The following NF2 variants were observed in gnomAD, a reference collection of about 807,000 sequenced individuals.
NF2 encodes NF2, moesin-ezrin-radixin like (MERLIN) tumor suppressor, also known as merlin.
NF2 carries 8 observed loss-of-function variants against 83.7 expected under a neutral mutation model. The ratio of observed to expected loss-of-function variants is 0.10; its 90% CI spans 0.06 to 0.17. The LOEUF is 0.17. Among genes scored for constraint, NF2 ranks in the 10% least tolerant of loss-of-function variants. The pLI, the probability that NF2 is intolerant of heterozygous loss-of-function variation, is 1.00. For missense variants in NF2, 533 were observed against 744.4 expected (o/e 0.72, Z 3.31); for synonymous variants, 266 against 269.6 (o/e 0.99, Z 0.13).
chr22:29,680,867 A>C (rs1427835256), intron 14 of NF2, among the ~76,000 whole-genome samples: 1 of 149,420 alleles, frequency 6.7e-6, no homozygotes, highest in African/African-American at 2.5e-5. Context: ...AAAAAAAAAG[A>C]GTTTACTTGA....
Position 29,639,174 on chromosome 22 carries a change from C to T in NF2, c.325C>T (p.Leu109=), listed in dbSNP as rs201603384. The T allele has an allele frequency of 4.0e-5, 64 of 1,614,070 alleles. No individual in the cohort carries two copies. Among genetic ancestry groups the T allele is most frequent in the Admixed American group, 1.3e-4 (8 of 60,010 alleles). ...TTATCCTGAGAATGCTGAAGAGGAG[C>T]TGGTTCAGGAGATCACACAACATTT... The part of the protein sequence containing the change: ...KFYPENAEEE[L]VQEITQHLFF... Residue 109 remains leucine, a synonymous_variant, in exon 3 of 16, where the codon CTG becomes TTG. Transcript: ENST00000338641.
chr22:29,616,813 G>T (rs2065093292), intron 1 of NF2, among the ~76,000 whole-genome samples: 1 of 152,042 alleles, frequency 6.6e-6, no homozygotes, highest in Non-Finnish European at 1.5e-5. Context: ...TGGTGGGTTG[G>T]ATTTGTCCTG....
At chr22:29,668,804 C>T (rs530319706) in intron 10 of NF2, among the ~76,000 whole-genome samples, 19 of 152,322 alleles carry the variant, frequency 1.2e-4, no homozygotes, top group African/African-American at 3.8e-4. Context: ...GCAGCCTTCT[C>T]CTTTTCTAAT....
At position 29,698,287 on chromosome 22, in the gene NF2, T is replaced by G. The variant is rs2067610503; in HGVS notation, c.*3485T>G. On this transcript the variant is annotated 3_prime_UTR_variant, in exon 16 of 16. Coordinates refer to ENST00000338641, the MANE Select transcript of NF2 (RefSeq NM_000268.4). Reference sequence around the variant, plus strand: ...TTTCTCTCTTTCCCTCTCTTTTTTTTGTCAAAAGCCCAGAGACTGACAACC... The same window carrying G: ...TTTCTCTCTTTCCCTCTCTTTTTTTGGTCAAAAGCCCAGAGACTGACAACC... 4.4e-6 allele frequency: 1 copy of G among 225,460 alleles called. No homozygotes were observed. The highest frequency in any genetic ancestry group is 8.8e-6 in the Non-Finnish European group (1 of 113,236). The allele number at this position is 225,460 out of a possible 1,614,324, so 14.0% of individuals were successfully genotyped here. A position where few individuals can be genotyped will look rare whatever the true frequency, so the allele number is the denominator to read the frequency against.
Position 29,604,737 on chromosome 22 carries a change from C to A in NF2, c.114+625C>A, listed in dbSNP as rs116920328. Among the ~76,000 whole-genome samples, 238 of 152,290 alleles carry A rather than the reference C, an allele frequency of 1.6e-3. 1 individual carries two copies. The highest frequency in any genetic ancestry group is 5.6e-3 in the African/African-American group (232 of 41,570). ...TACTGCTTCTCAAGTAATTTAAGTT[C>A]TTGCTGCTAAAAGTGTGGTTTGTGG... On this transcript the variant is annotated intron_variant, in intron 1 of 15. Coordinates refer to ENST00000338641, the MANE Select transcript of NF2 (RefSeq NM_000268.4).
In NF2 at chr22:29,658,170, T is replaced by C. The variant is rs750009792; in HGVS notation, c.600-19T>C. Reference sequence around the variant, plus strand: ...ATCTCACTTAGCTCCAATGACAGTGTCTTCCGTTCTCCCCACAGGGATGAA... The same window carrying C: ...ATCTCACTTAGCTCCAATGACAGTGCCTTCCGTTCTCCCCACAGGGATGAA... On this transcript the variant is annotated intron_variant, in intron 6 of 15. Transcript: ENST00000338641. 3 of 1,612,722 alleles carry C rather than the reference T, an allele frequency of 1.9e-6. No individual in the cohort carries two copies. In the African/African-American group the frequency reaches 4.0e-5, roughly 22 times the overall value.
At chr22:29,635,153 G>T (rs76128101) in intron 1 of NF2, among the ~76,000 whole-genome samples, 2,125 of 152,168 alleles carry the variant, frequency 0.014, 41 homozygotes, top group African/African-American at 0.048. Flanking sequence ...GAGAAGGGAT[G>T]GGCTTTCCTG....
At chr22:29,692,336 C>T (rs1395089354) in intron 15 of NF2, among the ~76,000 whole-genome samples, 1 of 152,166 alleles carries the variant, frequency 6.6e-6, no homozygotes, top group Non-Finnish European at 1.5e-5. Context: ...CCTGCTCTTG[C>T]AAGATAAGAG....
intron 4 of NF2, among the ~76,000 whole-genome samples, chr22:29,650,061 A>G (rs1171156829): frequency 1.3e-5 from 2 of 152,172 alleles, no homozygotes; most frequent in Non-Finnish European, 2.9e-5. Context: ...ACTTACAAAG[A>G]TTAAAAATGA....
intron 1 of NF2, among the ~76,000 whole-genome samples, chr22:29,626,403 C>T (rs1355101615): frequency 4.6e-5 from 7 of 152,092 alleles, no homozygotes; most frequent in African/African-American, 9.7e-5. Flanking sequence ...CCACCCGCTT[C>T]GGTCTCCCAA....
In NF2 at chr22:29,688,392, C is replaced by T. The variant is rs1272975866; in HGVS notation, c.1738-6360C>T. Among the ~76,000 whole-genome samples the T allele has an allele frequency of 2.0e-5, 3 of 152,258 alleles. 1 individual carries two copies. Among genetic ancestry groups the T allele is most frequent in the Admixed American group, 1.3e-4 (2 of 15,286 alleles). Reference sequence around the variant, plus strand: ...AAGAGCCAGATGCAAACTCGTTCTGCGAGCCCGAGGTTCTGTTCTCATGAT... The same window carrying T: ...AAGAGCCAGATGCAAACTCGTTCTGTGAGCCCGAGGTTCTGTTCTCATGAT... On this transcript the variant is annotated intron_variant, in intron 15 of 15. Transcript: ENST00000338641.
At chr22:29,684,080 T>A (rs1479482555) in intron 15 of NF2, 9 of 272,836 alleles carry the variant, frequency 3.3e-5, no homozygotes, top group African/African-American at 9.1e-5. Flanking sequence ...AGATAGATCC[T>A]ACTTGTGGTC....
At chr22:29,617,300 A>G (rs970420638) in intron 1 of NF2, among the ~76,000 whole-genome samples, 2 of 152,202 alleles carry the variant, frequency 1.3e-5, no homozygotes, top group African/African-American at 4.8e-5. Context: ...TTCATTAAGT[A>G]GATTCCAGAC....
chr22:29,665,683 G>C (rs1021073750), intron 9 of NF2, among the ~76,000 whole-genome samples: 9 of 151,974 alleles, frequency 5.9e-5, no homozygotes, highest in African/African-American at 2.2e-4. Flanking sequence ...GCACAGTCCT[G>C]GCCGGGTGCG....
Position 29,636,659 on chromosome 22 carries a change from C to G in NF2, c.115-92C>G, listed in dbSNP as rs764604694. 1,070 of 1,553,844 alleles carry G rather than the reference C, an allele frequency of 6.9e-4. 2 individuals are homozygous for G. The highest frequency in any genetic ancestry group is 9.0e-4 in the Non-Finnish European group (1,014 of 1,126,274). ...ATCAGCTGTCTTAGTGTCATCCCCA[C>G]GTTTTGGAACCTGAGAGTGGAGAGT... is the stretch of plus-strand genomic sequence containing the variant. On this transcript the variant is annotated intron_variant, in intron 1 of 15. Coordinates refer to ENST00000338641, the MANE Select transcript of NF2 (RefSeq NM_000268.4). This position sits in a 1 kb window ranked among gnomAD's most constrained non-coding sequence, Gnocchi z 4.4.
At chr22:29,682,353 T>C (rs548430997) in intron 15 of NF2, among the ~76,000 whole-genome samples, 1 of 152,336 alleles carries the variant, frequency 6.6e-6, no homozygotes, top group East Asian at 1.9e-4. Flanking sequence ...CTGATACAGT[T>C]AATTTTTTAT....
intron 15 of NF2, among the ~76,000 whole-genome samples, chr22:29,686,329 A>G (rs1450937844): frequency 6.6e-6 from 1 of 152,246 alleles, no homozygotes; most frequent in African/African-American, 2.4e-5. Flanking sequence ...TACGTGGCTG[A>G]AAGTAAAAAC....
At chr22:29,681,207 T>C (rs760623056) in intron 14 of NF2, among the ~76,000 whole-genome samples, 6 of 152,120 alleles carry the variant, frequency 3.9e-5, no homozygotes, top group Non-Finnish European at 5.9e-5. Flanking sequence ...CTGTTTTATT[T>C]AATCCTAACC....
chr22:29,642,735 T>G (rs1436522745), intron 4 of NF2, among the ~76,000 whole-genome samples: 1 of 152,160 alleles, frequency 6.6e-6, no homozygotes, highest in East Asian at 1.9e-4. Context: ...AAACATGGCC[T>G]TTAGGTCAGA....
Sources: gnomAD v4.1 joint callset for allele counts (sites outside exome capture counted in the v4.1 genomes callset) on GRCh38, gnomAD v4.1.1 for gene constraint, Gnocchi (gnomAD v3.1) non-coding constraint, MANE v1.5 for transcripts, NCBI Gene and HGNC (gene_info 2026-07-23, HGNC 2026-07-21) for gene names.